Variants in RBL1 observed in about 807,000 individuals in gnomAD.
RBL1 encodes the protein RB transcriptional corepressor like 1, also known as retinoblastoma-like protein 1.
In RBL1, 82 loss-of-function variants were observed where a neutral mutation model predicts 123.0. The ratio of observed to expected loss-of-function variants is 0.67; its 90% confidence interval spans 0.56 to 0.80. The LOEUF (loss-of-function observed/expected upper bound fraction) is 0.80, where lower values mean the gene tolerates loss of function less well. Among genes scored for constraint, RBL1 ranks in the 30% least tolerant of loss-of-function variants. The pLI, the probability that RBL1 is intolerant of heterozygous loss-of-function variation, is 0.00. For missense variants in RBL1, 1,171 were observed against 1,299.6 expected (o/e 0.90, Z 1.52); for synonymous variants, 405 against 441.3 (o/e 0.92, Z 1.03).
intron 9 of RBL1, among the ~76,000 whole-genome samples, chr20:37,057,371 GGTTT>G (rs1001342543): frequency 6.6e-6 from 1 of 152,048 alleles, no homozygotes; most frequent in Non-Finnish European, 1.5e-5. Flanking sequence ...CTGCTATTTT[GGTTT>G]TTTTGGGGTG....
At chr20:37,056,573 T>C (rs2065011060) in intron 9 of RBL1, among the ~76,000 whole-genome samples, 1 of 152,224 alleles carries the variant, frequency 6.6e-6, no homozygotes, top group South Asian at 2.1e-4. Context: ...TAGGCTGGTC[T>C]AGATCTCCTA....
At chr20:37,089,842 G>C (rs1225974496) in intron 1 of RBL1, among the ~76,000 whole-genome samples, 1 of 152,124 alleles carries the variant, frequency 6.6e-6, no homozygotes, top group African/African-American at 2.4e-5. Flanking sequence ...CTTGAGGCCA[G>C]GGGTTCAAGA....
intron 2 of RBL1, among the ~76,000 whole-genome samples, chr20:37,084,454 CT>C (rs1376366875): frequency 6.6e-6 from 1 of 151,950 alleles, no homozygotes; most frequent in Non-Finnish European, 1.5e-5. Context: ...AGAAAAATAA[CT>C]GTAGAGCAAC....
At chr20:37,049,518 CAA>C in intron 11 of RBL1, 1 of 755,378 alleles carries the variant, frequency 1.3e-6, no homozygotes, top group Non-Finnish European at 2.4e-6. Flanking sequence ...AGAGTAAGCA[CAA>C]GAGAAAGAAG....
intron 2 of RBL1, among the ~76,000 whole-genome samples, chr20:37,079,688 C>T (rs922397711): frequency 6.6e-6 from 1 of 152,004 alleles, no homozygotes; most frequent in Non-Finnish European, 1.5e-5. Context: ...TACTATGTTG[C>T]CCAGGCTGGT....
chr20:37,080,621 G>A (rs2065434212), intron 2 of RBL1, among the ~76,000 whole-genome samples: 1 of 151,534 alleles, frequency 6.6e-6, no homozygotes, highest in Non-Finnish European at 1.5e-5. Flanking sequence ...ATTGCGCCCA[G>A]CAAATTTTTA....
At chr20:37,074,491 T>C (rs2065332760) in intron 2 of RBL1, among the ~76,000 whole-genome samples, 3 of 150,812 alleles carry the variant, frequency 2.0e-5, no homozygotes, top group South Asian at 2.1e-4. Flanking sequence ...GAAAAGGTGC[T>C]CAACATCATT....
chr20:37,093,401 G>A (rs2065678446), intron 1 of RBL1, among the ~76,000 whole-genome samples: 1 of 151,390 alleles, frequency 6.6e-6, no homozygotes. Context: ...CAATGCTCTG[G>A]GAGGCTGCGG....
intron 10 of RBL1, 46 bp downstream of exon 10, chr20:37,056,100 A>G (rs1306409731): frequency 6.4e-7 from 1 of 1,558,592 alleles, no homozygotes; most frequent in African/African-American, 1.4e-5. Context: ...TTTTGGGGGG[A>G]TTACTTATTT....
At chr20:37,088,419 T>C (rs2065588220) in intron 2 of RBL1, among the ~76,000 whole-genome samples, 1 of 152,170 alleles carries the variant, frequency 6.6e-6, no homozygotes, top group Non-Finnish European at 1.5e-5. Flanking sequence ...AACTTCTCTG[T>C]AAGCCTAAAA....
At chr20:37,038,976 C>T (rs896339887) in intron 14 of RBL1, among the ~76,000 whole-genome samples, 2 of 152,148 alleles carry the variant, frequency 1.3e-5, no homozygotes, top group East Asian at 3.9e-4. Flanking sequence ...TACACAATCA[C>T]ACAGAGTCCA....
At chr20:37,081,883 C>A in intron 2 of RBL1, 6 of 391,526 alleles carry the variant, frequency 1.5e-5, no homozygotes, top group Non-Finnish European at 2.0e-5. Flanking sequence ...TGAGAGGAGA[C>A]TCACCAGAGA....
At chr20:37,055,962 G>A (rs905441032) in intron 10 of RBL1, among the ~76,000 whole-genome samples, 184 bp downstream of exon 10, 1 of 151,658 alleles carries the variant, frequency 6.6e-6, no homozygotes. Flanking sequence ...CAGGAGAATC[G>A]TTTGAACCTG....
chr20:37,051,774 C>A (rs1245509225), intron 11 of RBL1, among the ~76,000 whole-genome samples: 1 of 150,202 alleles, frequency 6.7e-6, no homozygotes, highest in Non-Finnish European at 1.5e-5. Context: ...TAAGTGCTAA[C>A]ATAACAATTA....
intron 14 of RBL1, among the ~76,000 whole-genome samples, chr20:37,036,409 C>A (rs2064612532): frequency 1.3e-5 from 2 of 151,972 alleles, no homozygotes; most frequent in African/African-American, 4.8e-5. Context: ...TCCCAAGTAG[C>A]TGGGACTACA....
intron 2 of RBL1, among the ~76,000 whole-genome samples, chr20:37,070,530 G>A (rs1318272217): frequency 6.7e-6 from 1 of 150,326 alleles, no homozygotes; most frequent in Non-Finnish European, 1.5e-5. Flanking sequence ...AGGGAAAACA[G>A]AAGTCTCCCA....
chr20:37,046,997 T>A, intron 12 of RBL1, 56 bp downstream of exon 12: 1 of 1,517,742 alleles, frequency 6.6e-7, no homozygotes, highest in East Asian at 2.4e-5. Flanking sequence ...ATAAATACAA[T>A]GTTTCTGTGA....
At chr20:37,053,039 C>T (rs1457361203) in intron 11 of RBL1, among the ~76,000 whole-genome samples, 1 of 152,156 alleles carries the variant, frequency 6.6e-6, no homozygotes, top group Non-Finnish European at 1.5e-5. Flanking sequence ...CTTCAAAATA[C>T]GTGGAGAAAA....
At chr20:37,004,020 CTTTT>C (rs34799722) in intron 20 of RBL1, among the ~76,000 whole-genome samples, 154 bp from the exon 21 acceptor site, 1 of 134,898 alleles carries the variant, frequency 7.4e-6, no homozygotes, top group Non-Finnish European at 1.6e-5. Context: ...TTTACTTCTT[CTTTT>C]TTTTTTTTAA....
Sources: allele counts gnomAD v4.1 joint callset (sites outside exome capture counted in the v4.1 genomes callset), GRCh38; gene constraint gnomAD v4.1.1; transcripts MANE v1.5; gene names NCBI Gene and HGNC (gene_info 2026-07-23, HGNC 2026-07-21).